Variants in COX19 observed in about 807,000 individuals in gnomAD.
COX19 encodes cytochrome c oxidase assembly factor COX19.
In COX19, 8 loss-of-function variants were observed where a neutral mutation model predicts 6.8. The ratio of observed to expected loss-of-function variants is 1.18; its 90% CI spans 0.69 to 2.12. COX19 has a LOEUF of 2.12. Among genes scored for constraint, COX19 ranks in the 30% most tolerant of loss-of-function variants. The pLI is 0.00. For synonymous variants in COX19, 51 were observed against 38.0 expected (o/e 1.34, Z -1.26); for missense variants, 131 against 104.6 (o/e 1.25, Z -1.10).
In COX19 at chr7:965,657, T is replaced by G. The variant is rs998321984; in HGVS notation, c.*3721A>C. Among the ~76,000 whole-genome samples, 4 of 151,444 alleles carry G rather than the reference T, an allele frequency of 2.6e-5. No individual in the cohort carries two copies. Among genetic ancestry groups the G allele is most frequent in the Admixed American group, 1.3e-4 (2 of 15,162 alleles). On this transcript the variant is annotated 3_prime_UTR_variant, in exon 3 of 3. Coordinates refer to ENST00000344111, the MANE Select transcript of COX19 (RefSeq NM_001031617.3). ...CCACTCACTTCATGGCAACTGAGGGTTTTTTTTTGAGACGGTTCTGTCGCC... is the reference window on the plus strand; with the variant it reads ...CCACTCACTTCATGGCAACTGAGGGGTTTTTTTTGAGACGGTTCTGTCGCC...
At chr7:969,597 C>T in intron 2 of COX19, 141 bp from the exon 3 acceptor site, 1 of 680,228 alleles carries the variant, frequency 1.5e-6, no homozygotes, top group South Asian at 1.7e-5. Flanking sequence ...TCGGCCTCGG[C>T]CCCCGTGGCT....
rs766211888 is a variant in COX19, at chr7:975,446, A to G, written c.64T>C (p.Phe22Leu). ...FQPRPPDKGS[F>L]PLDHLGECKS... is the part of the protein sequence containing the mutation. ...CGCTCACCTAAGTGATCCAGCGGGA[A>G]GCTGCCCTTGTCCGGGGGCCGCGGC... Residue 22 changes from phenylalanine to leucine, a missense_variant, in exon 1 of 3, where the codon TTC (phenylalanine) becomes CTC (leucine). By Grantham distance (22) the Phe-to-Leu change is conservative. Transcript: ENST00000344111. The G allele has an allele frequency of 1.3e-5, 21 of 1,598,758 alleles. No individual in the cohort carries two copies. The highest frequency in any genetic ancestry group is 1.8e-5 in the Non-Finnish European group (21 of 1,174,468).
chr7:975,407 C>G (rs1847691777), intron 1 of COX19, 21 bp downstream of exon 1: 1 of 1,565,728 alleles, frequency 6.4e-7, no homozygotes. Context: ...GACCCCTGCC[C>G]GCCGACCTTC....
rs890038898 is a variant in COX19, at chr7:967,658, G to C, written c.*1720C>G. ...TCTGTTGTGTTCCCCTCACATCCTG[G>C]TTCATTTACTTTTTGAGCATGTGAA... On this transcript the variant is annotated 3_prime_UTR_variant, in exon 3 of 3. Transcript: ENST00000344111. 4 of 152,286 alleles carry C rather than the reference G, an allele frequency of 2.6e-5. No individual in the cohort carries two copies. Among genetic ancestry groups the C allele is most frequent in the Non-Finnish European group, 5.9e-5 (4 of 68,074 alleles). The allele number at this position is 152,286 out of a possible 1,614,324, so 9.4% of individuals were successfully genotyped here.
rs1847539573 is a variant in COX19 at position 965,556 on chromosome 7, G to A, written c.*3822C>T. On this transcript the variant is annotated 3_prime_UTR_variant, in exon 3 of 3. Transcript: ENST00000344111. ...TCTGCCGTTCTGCTGTGACATGACT[G>A]TCTCCTCGGAGGTCACTATGCATCT... is the stretch of plus-strand genomic sequence containing the variant. Among the ~76,000 whole-genome samples, 2 of 152,218 alleles carry A rather than the reference G, an allele frequency of 1.3e-5. No individual in the cohort carries two copies. Among genetic ancestry groups the A allele is most frequent in the South Asian group, 4.1e-4 (2 of 4,834 alleles).
intron 2 of COX19, chr7:972,610 A>G (rs1315525757): frequency 1.3e-5 from 2 of 152,232 alleles, no homozygotes; most frequent in Admixed American, 6.5e-5. Context: ...AGGGATTAGA[A>G]TAGCTCTTAT....
rs974946093 is a variant in COX19 at position 965,346 on chromosome 7, C to T, written c.*4032G>A. Among the ~76,000 whole-genome samples the T allele has an allele frequency of 3.3e-5, 5 of 152,252 alleles. No homozygotes were observed. The highest frequency in any genetic ancestry group is 1.9e-4 in the East Asian group (1 of 5,190). On this transcript the variant is annotated 3_prime_UTR_variant, in exon 3 of 3. Transcript: ENST00000344111. ...AACATCTTACATAACACTGGGCCAG[C>T]GCTGCCAGTCACTTCGCAGAAGGCT...
rs1004974943 is a variant in COX19 at position 967,138 on chromosome 7, AT to A, written c.*2239del. ...TAAGAACACAGTGCCCATCTGTGAC[AT>A]TTTGAAGAGGGAAGCACGAAGTTCT... On this transcript the variant is annotated 3_prime_UTR_variant, in exon 3 of 3. Transcript: ENST00000344111. The A allele has an allele frequency of 5.3e-5, 8 of 152,206 alleles. No homozygotes were observed. The highest frequency in any genetic ancestry group is 1.9e-4 in the African/African-American group (8 of 41,442). 9.4% of individuals were successfully genotyped at this position (152,206 alleles called of 1,614,324 possible).
chr7:975,227 G>T (rs1847688593), intron 1 of COX19: 2 of 432,762 alleles, frequency 4.6e-6, no homozygotes, highest in South Asian at 4.9e-5. Flanking sequence ...CGTCACGGGG[G>T]CCACGGTCCT....
At position 975,443 on chromosome 7, in the gene COX19, G is replaced by A; in HGVS notation, c.67C>T (p.Pro23Ser). Reference sequence around the variant, plus strand: ...CGCCGCTCACCTAAGTGATCCAGCGGGAAGCTGCCCTTGTCCGGGGGCCGC... The same window carrying A: ...CGCCGCTCACCTAAGTGATCCAGCGAGAAGCTGCCCTTGTCCGGGGGCCGC... ...QPRPPDKGSF[P>S]LDHLGECKSF... is the part of the protein sequence containing the mutation. The change falls in exon 1 of 3, where the codon CCG (proline) becomes TCG (serine). Residue 23 changes from proline (P) to serine (S), a missense_variant. Pro to Ser is a moderately conservative substitution (Grantham distance 74). Coordinates refer to ENST00000344111, the MANE Select transcript of COX19 (RefSeq NM_001031617.3). 6.3e-7 allele frequency: 1 copy of A among 1,598,284 alleles called. No individual in the cohort carries two copies. Among genetic ancestry groups the A allele is most frequent in the Non-Finnish European group, 8.5e-7 (1 of 1,174,222 alleles).
chr7:965,382 G>A lies in COX19; in HGVS notation c.*3996C>T, dbSNP rs10282027. ...ACTTCGCAGAAGGCTCCTCGGTTTG[G>A]GTCTGTGTCTGTTGTCTCCTTGGGA... On this transcript the variant is annotated 3_prime_UTR_variant, in exon 3 of 3. Coordinates refer to ENST00000344111, the MANE Select transcript of COX19 (RefSeq NM_001031617.3). 0.041 allele frequency among the ~76,000 whole-genome samples: 6,313 copies of A among 152,248 alleles called. 178 individuals are homozygous for A. Among genetic ancestry groups the A allele is most frequent in the Admixed American group, 0.093 (1,428 of 15,290 alleles).
chr7:971,894 A>T (rs961752895), intron 2 of COX19, among the ~76,000 whole-genome samples: 1 of 152,148 alleles, frequency 6.6e-6, no homozygotes, highest in Non-Finnish European at 1.5e-5. Flanking sequence ...AAATAAAAAT[A>T]AAAAAACAAT....
chr7:970,439 ATTTTT>A (rs1171573366), intron 2 of COX19, among the ~76,000 whole-genome samples: 1 of 121,240 alleles, frequency 8.2e-6, no homozygotes. Context: ...CGGCCAGCTA[ATTTTT>A]TTTTTTTTTT....
rs1375344058 is a variant in COX19 at position 968,741 on chromosome 7, T to A, written c.*637A>T. On this transcript the variant is annotated 3_prime_UTR_variant, in exon 3 of 3. Coordinates refer to ENST00000344111, the MANE Select transcript of COX19 (RefSeq NM_001031617.3). ...TGCAAATGGACTCAGGTTCTTTTTC[T>A]GTTAAAATACAGGAGTTACTGAAAT... is the stretch of plus-strand genomic sequence containing the variant. 1.3e-5 allele frequency: 2 copies of A among 152,280 alleles called. No individual in the cohort carries two copies. The highest frequency in any genetic ancestry group is 2.9e-5 in the Non-Finnish European group (2 of 68,054). 9.4% of individuals were successfully genotyped at this position (152,280 alleles called of 1,614,324 possible).
At chr7:974,174 G>A (rs1458323281) in intron 1 of COX19, among the ~76,000 whole-genome samples, 1 of 150,438 alleles carries the variant, frequency 6.6e-6, no homozygotes, top group Non-Finnish European at 1.5e-5. Context: ...TCCAGCCTGG[G>A]CGACACAGTG....
In COX19 at chr7:965,785, C is replaced by G. The variant is rs1562944336; in HGVS notation, c.*3593G>C. ...CTCCCGAATAGCTGGATTACAGACA[C>G]ACGCCACCAGCCCCAGCTAATTTTT... is the stretch of plus-strand genomic sequence containing the variant. On this transcript the variant is annotated 3_prime_UTR_variant, in exon 3 of 3. Transcript: ENST00000344111. Among the ~76,000 whole-genome samples the G allele has an allele frequency of 6.6e-6, 1 of 152,198 alleles. No individual in the cohort carries two copies. The highest frequency in any genetic ancestry group is 1.5e-5 in the Non-Finnish European group (1 of 68,034).
At chr7:975,407 C>T in intron 1 of COX19, 21 bp downstream of exon 1, 5 of 1,565,846 alleles carry the variant, frequency 3.2e-6, no homozygotes, top group Non-Finnish European at 2.6e-6. Context: ...GACCCCTGCC[C>T]GCCGACCTTC....
At chr7:972,725 T>A (rs1847652405) in intron 2 of COX19, 1 of 152,392 alleles carries the variant, frequency 6.6e-6, no homozygotes, top group Non-Finnish European at 1.5e-5. Flanking sequence ...TCATCTTTCA[T>A]CATTTCTTAA....
In COX19 at chr7:965,062, A is replaced by C. The variant is rs929548268; in HGVS notation, c.*4316T>G. Among the ~76,000 whole-genome samples, 6 of 152,166 alleles carry C rather than the reference A, an allele frequency of 3.9e-5. No homozygotes were observed. Among genetic ancestry groups the C allele is most frequent in the Non-Finnish European group, 7.3e-5 (5 of 68,030 alleles). On this transcript the variant is annotated 3_prime_UTR_variant, in exon 3 of 3. Transcript: ENST00000344111. ...AAAGGCAGCGTTGGGAAGCCACTGC[A>C]CGTTTGTAAGGAGTCAGGTTGTCCA...
Sources: gnomAD v4.1 joint callset for allele counts (sites outside exome capture counted in the v4.1 genomes callset) on GRCh38, gnomAD v4.1.1 for gene constraint, MANE v1.5 for transcripts, NCBI Gene and HGNC (gene_info 2026-07-23, HGNC 2026-07-21) for gene names.